Variants in TJP1 observed in about 807,000 individuals in gnomAD.
The protein encoded by TJP1 is tight junction protein 1.
In TJP1, 43 loss-of-function variants were observed where a neutral mutation model predicts 194.2. The observed-to-expected ratio is 0.22, with a 90% CI of 0.17 to 0.29. The LOEUF (loss-of-function observed/expected upper bound fraction) is 0.29. Ranked by LOEUF, TJP1 falls within the 10% of genes least tolerant of loss-of-function variation. The probability of loss-of-function intolerance (pLI) is 1.00; values close to 1 mark genes in which losing one functional copy is unlikely to be tolerated. For synonymous variants in TJP1, 801 were observed against 779.0 expected, an observed-to-expected ratio of 1.03 and a Z score of -0.47; for missense variants, 1,971 against 2,185.7, an observed-to-expected ratio of 0.90 and a Z score of 1.96.
chr15:29,832,370 G>C (rs2050863520), intron 2 of TJP1, among the ~76,000 whole-genome samples: 1 of 152,182 alleles, frequency 6.6e-6, no homozygotes, highest in Non-Finnish European at 1.5e-5. Context: ...GCCACAAACT[G>C]ACTGCATCTG....
chr15:29,926,282 C>A (rs2054520360), intron 2 of TJP1, among the ~76,000 whole-genome samples: 1 of 152,110 alleles, frequency 6.6e-6, no homozygotes, highest in South Asian at 2.1e-4. Flanking sequence ...TCAAAAATCC[C>A]ACAACCACAT....
intron 8 of TJP1, among the ~76,000 whole-genome samples, chr15:29,746,933 A>AT (rs1352466305): frequency 6.6e-6 from 1 of 151,510 alleles, no homozygotes; most frequent in Non-Finnish European, 1.5e-5. Context: ...AAGCCAAGAT[A>AT]TTTTCTAGCT....
intron 2 of TJP1, among the ~76,000 whole-genome samples, chr15:29,878,370 G>A (rs999000205): frequency 1.3e-5 from 2 of 152,114 alleles, no homozygotes; most frequent in Non-Finnish European, 2.9e-5. Flanking sequence ...TTCAAGAAGC[G>A]GGTTAACTGT....
At chr15:29,858,951 C>T (rs1406439021) in intron 2 of TJP1, among the ~76,000 whole-genome samples, 1 of 152,126 alleles carries the variant, frequency 6.6e-6, no homozygotes, top group African/African-American at 2.4e-5. Context: ...CCTCAGCCTC[C>T]CATAACGCTG....
intron 2 of TJP1, among the ~76,000 whole-genome samples, chr15:29,831,622 T>A (rs1038855298): frequency 6.6e-6 from 1 of 152,224 alleles, no homozygotes; most frequent in Admixed American, 6.5e-5. Flanking sequence ...GTGGATTTTA[T>A]GTGGATTTCT....
In TJP1 at chr15:29,718,715, T is replaced by G; in HGVS notation, c.3427A>C (p.Arg1143=). Residue 1143 remains arginine, a synonymous_variant, in exon 21 of 28, where the codon AGA becomes CGA. Coordinates refer to ENST00000614355, the MANE Select transcript of TJP1 (RefSeq NM_001330239.4). ...CTAGGTGCCTGTTCGTAACGTGGTCTGCTGTCGTAAGACAGAGGGGCTGGC... is the reference window on the plus strand; with the variant it reads ...CTAGGTGCCTGTTCGTAACGTGGTCGGCTGTCGTAAGACAGAGGGGCTGGC... ...EEPAPLSYDS[R]PRYEQAPRAS... 6.2e-7 allele frequency: 1 copy of G among 1,614,184 alleles called. No homozygotes were observed.
chr15:29,712,752 G>A (rs534407697), intron 23 of TJP1, among the ~76,000 whole-genome samples: 1 of 150,756 alleles, frequency 6.6e-6, no homozygotes, highest in Non-Finnish European at 1.5e-5. Context: ...TCAAATCAAA[G>A]AGTGGTGATC....
At chr15:29,727,809 G>A in intron 16 of TJP1, 128 bp downstream of exon 16, 1 of 678,958 alleles carries the variant, frequency 1.5e-6, no homozygotes, top group Non-Finnish European at 2.5e-6. Context: ...TTCAGTAAGG[G>A]CTTAATTTTC....
In TJP1 at chr15:29,718,290, A is replaced by G; in HGVS notation, c.3852T>C (p.Asp1284=). Residue 1284 remains aspartate (D), a synonymous_variant, in exon 21 of 28, where the codon GAT becomes GAC. Coordinates refer to ENST00000614355, the MANE Select transcript of TJP1 (RefSeq NM_001330239.4). The stretch of plus-strand genomic sequence containing the variant: ...CCTTAAAACTGCCAGTGTCATTTAC[A>G]TCCTTCTTGGTCTCTAAGGATGCAG... ...KRSASLETKK[D]VNDTGSFKPP... The G allele has an allele frequency of 6.2e-7, 1 of 1,613,690 alleles. No homozygotes were observed. The highest frequency in any genetic ancestry group is 8.5e-7 in the Non-Finnish European group (1 of 1,179,868).
chr15:29,897,070 G>A (rs2053498691), intron 2 of TJP1, among the ~76,000 whole-genome samples: 1 of 152,182 alleles, frequency 6.6e-6, no homozygotes, highest in Non-Finnish European at 1.5e-5. Flanking sequence ...AGACAATGGG[G>A]AAAATGTCTC....
rs891989432 is a variant in TJP1, at chr15:29,968,546, C to T, written c.173+121G>A. 21 of 803,490 alleles carry T rather than the reference C, an allele frequency of 2.6e-5. No individual in the cohort carries two copies. In the African/African-American group the frequency reaches 3.9e-4, roughly 15 times the overall value. 49.8% of individuals were successfully genotyped at this position (803,490 alleles called of 1,614,324 possible). A position where few individuals can be genotyped will look rare whatever the true frequency, so the allele number is the denominator to read the frequency against. ...GGCGCGCCCCGCGTCCCGTCGGGCC[C>T]GACAGTCGCGGCCTCGCCCCCCGCC... On this transcript the variant is annotated intron_variant, in intron 1 of 28. Transcript: ENST00000356107.
intron 1 of TJP1, among the ~76,000 whole-genome samples, chr15:29,818,206 C>T (rs769752226): frequency 7.9e-5 from 12 of 152,166 alleles, no homozygotes; most frequent in Non-Finnish European, 1.5e-4. Context: ...ATCTAATAAG[C>T]ATATACAATA....
chr15:29,794,809 TA>T (rs1048135220), intron 2 of TJP1, among the ~76,000 whole-genome samples: 1 of 151,650 alleles, frequency 6.6e-6, no homozygotes, highest in East Asian at 1.9e-4. Context: ...TCGCTTCCAG[TA>T]AAAAAAACTA....
At chr15:29,788,573 T>C (rs1206112807) in intron 2 of TJP1, among the ~76,000 whole-genome samples, 1 of 152,160 alleles carries the variant, frequency 6.6e-6, no homozygotes, top group Admixed American at 6.5e-5. Flanking sequence ...TTCCCTCCAG[T>C]GCATTGCCTT....
intron 1 of TJP1, 117 bp from the exon 2 acceptor site, chr15:29,800,819 A>G: frequency 1.0e-6 from 1 of 968,876 alleles, no homozygotes; most frequent in African/African-American, 1.6e-5. Flanking sequence ...AGTTAATATT[A>G]GAGACACTCT....
At position 29,888,074 on chromosome 15, in the gene TJP1, T is replaced by C. The variant is rs2053179951; in HGVS notation, c.306+68158A>G. The stretch of plus-strand genomic sequence containing the variant: ...TTAAAGAACAGTTAAGTAAATGATT[T>C]AAAAATTTTAAATGGTACTTAGAGT... On this transcript the variant is annotated intron_variant, in intron 2 of 28. Transcript: ENST00000356107. Among the ~76,000 whole-genome samples, 3 of 152,166 alleles carry C rather than the reference T, an allele frequency of 2.0e-5. 1 individual carries two copies. In the South Asian group the frequency reaches 6.2e-4, roughly 32 times the overall value.
At chr15:29,928,017 A>G (rs2054578588) in intron 2 of TJP1, among the ~76,000 whole-genome samples, 1 of 152,122 alleles carries the variant, frequency 6.6e-6, no homozygotes, top group South Asian at 2.1e-4. Flanking sequence ...GAGGAGAAAT[A>G]TCTATCATCC....
chr15:29,737,107 AG>A (rs1645676728), intron 11 of TJP1, among the ~76,000 whole-genome samples, 156 bp downstream of exon 11: 1 of 152,242 alleles, frequency 6.6e-6, no homozygotes, highest in African/African-American at 2.4e-5. Context: ...GTCCAGCATA[AG>A]GTAGACCTGA....
intron 2 of TJP1, among the ~76,000 whole-genome samples, chr15:29,865,240 C>T (rs1041369351): frequency 6.6e-6 from 1 of 152,120 alleles, no homozygotes; most frequent in African/African-American, 2.4e-5. Flanking sequence ...CAACAGTTAC[C>T]GACAGTAGCA....
Sources: allele counts gnomAD v4.1 joint callset (sites outside exome capture counted in the v4.1 genomes callset), GRCh38; gene constraint gnomAD v4.1.1; transcripts MANE v1.5; gene names NCBI Gene and HGNC (gene_info 2026-07-23, HGNC 2026-07-21).